MRPS16: variants seen among roughly 807,000 people sequenced by gnomAD.
MRPS16 encodes the protein mitochondrial ribosomal protein S16, also known as small ribosomal subunit protein bS16m.
A neutral mutation model predicts 11.0 loss-of-function variants in MRPS16; 5 were observed. The ratio of observed to expected loss-of-function variants is 0.46; its 90% CI spans 0.24 to 0.96. The LOEUF is 0.96. Ranked by LOEUF, MRPS16 falls within the 40% of genes least tolerant of loss-of-function variation. MRPS16 has a pLI of 0.20. For missense variants in MRPS16, 179 were observed against 174.4 expected (o/e 1.03, Z -0.15); for synonymous variants, 76 against 65.0 (o/e 1.17, Z -0.81).
At position 73,251,989 on chromosome 10, in the gene MRPS16, G is replaced by A; in HGVS notation, c.48C>T (p.His16=). 1.2e-6 allele frequency: 2 copies of A among 1,614,210 alleles called. No homozygotes were observed. The highest frequency in any genetic ancestry group is 1.7e-6 in the Non-Finnish European group (2 of 1,180,024). Residue 16 remains histidine, a synonymous_variant, in exon 2 of 3, where the codon CAC becomes CAT. Transcript: ENST00000372945. ...CACCCAGGGCAAGGCGGATGGTTAA[G>A]TGGCCCCCACGGTAGGCCTTGCAGA... ...TLLCKAYRGG[H]LTIRLALGGC...
chr10:73,250,739 A>G lies in MRPS16; in HGVS notation c.*113T>C. On this transcript the variant is annotated 3_prime_UTR_variant, in exon 3 of 3. Transcript: ENST00000372945. Reference sequence around the variant, plus strand: ...AGGCCAGGCCAGAAGAGCAAGGGCAACTCAGGATACTCCATTTATTGAACT... The same window carrying G: ...AGGCCAGGCCAGAAGAGCAAGGGCAGCTCAGGATACTCCATTTATTGAACT... The G allele has an allele frequency of 1.4e-6, 2 of 1,429,780 alleles. No homozygotes were observed. Among genetic ancestry groups the G allele is most frequent in the Non-Finnish European group, 1.9e-6 (2 of 1,027,116 alleles). The allele number at this position is 1,429,780 out of a possible 1,614,324, so 88.6% of individuals were successfully genotyped here. A position where few individuals can be genotyped will look rare whatever the true frequency, so the allele number is the denominator to read the frequency against.
At chr10:73,251,644 G>A in intron 2 of MRPS16, 119 bp downstream of exon 2, 1 of 1,436,272 alleles carries the variant, frequency 7.0e-7, no homozygotes, top group South Asian at 1.2e-5. Flanking sequence ...GCCTCCCAAA[G>A]CGCTGAGATT....
At position 73,250,411 on chromosome 10, in the gene MRPS16, C is replaced by T. The variant is rs2133439838; in HGVS notation, c.*441G>A. The T allele has an allele frequency of 1.1e-5, 2 of 185,662 alleles. No homozygotes were observed. The highest frequency in any genetic ancestry group is 9.5e-5 in the South Asian group (1 of 10,512). The allele number at this position is 185,662 out of a possible 1,614,324, so 11.5% of individuals were successfully genotyped here. A position where few individuals can be genotyped will look rare whatever the true frequency, so the allele number is the denominator to read the frequency against. On this transcript the variant is annotated 3_prime_UTR_variant, in exon 3 of 3. Coordinates refer to ENST00000372945, the MANE Select transcript of MRPS16 (RefSeq NM_016065.4). ...AAAAAAAAAAAAAAAAGAGAATATG[C>T]ATTAGGCAAGACAATATAAACCTCC...
Position 73,249,131 on chromosome 10 carries a change from C to T in MRPS16, c.*1721G>A. On this transcript the variant is annotated 3_prime_UTR_variant, in exon 3 of 3. Transcript: ENST00000372945. Reference sequence around the variant, plus strand: ...ACGGGGTCTTGCTGTGTTGCACAGGCTGGTCTCAAACTCTGGCTTCAAGTG... The same window carrying T: ...ACGGGGTCTTGCTGTGTTGCACAGGTTGGTCTCAAACTCTGGCTTCAAGTG... 1.5e-6 allele frequency: 1 copy of T among 682,270 alleles called. No individual in the cohort carries two copies. The highest frequency in any genetic ancestry group is 2.5e-6 in the Non-Finnish European group (1 of 392,606). The allele number at this position is 682,270 out of a possible 1,614,324, so 42.3% of individuals were successfully genotyped here.
chr10:73,252,449 C>G (rs746866136), intron 1 of MRPS16, 21 bp downstream of exon 1: 2 of 1,609,416 alleles, frequency 1.2e-6, no homozygotes, highest in South Asian at 2.2e-5. Context: ...CGGAACGTCT[C>G]GCGGTGGCCC....
intron 1 of MRPS16, 62 bp downstream of exon 1, chr10:73,252,408 C>G: frequency 6.2e-7 from 1 of 1,605,320 alleles, no homozygotes; most frequent in Non-Finnish European, 8.5e-7. Flanking sequence ...TCTCCCCACC[C>G]GGCCCCGAAC....
chr10:73,252,468 ACT>A lies in MRPS16; in HGVS notation c.13_13+1del. On this transcript the variant is annotated splice_donor_variant and coding_sequence_variant, in exon 1 of 3. Coordinates refer to ENST00000372945, the MANE Select transcript of MRPS16 (RefSeq NM_016065.4). LOFTEE classifies it high-confidence loss of function. ...ACGTCTCGCGGTGGCCCGATGACTC[ACT>A]GAGGTGGACCATGGTGCCGCCGGCG... is the stretch of plus-strand genomic sequence containing the variant. 1 of 1,609,144 alleles carries A rather than the reference ACT, an allele frequency of 6.2e-7. No individual in the cohort carries two copies. Among genetic ancestry groups the A allele is most frequent in the Non-Finnish European group, 8.5e-7 (1 of 1,179,792 alleles).
chr10:73,252,420 C>A, intron 1 of MRPS16, 50 bp downstream of exon 1: 1 of 1,607,962 alleles, frequency 6.2e-7, no homozygotes, highest in Non-Finnish European at 8.5e-7. Context: ...GCCCCGAACT[C>A]CCGAGCCCCG....
rs200034797 is a variant in MRPS16 at position 73,251,758 on chromosome 10, G to T, written c.274+5C>A. On this transcript the variant is annotated splice_donor_5th_base_variant and intron_variant, in intron 2 of 2. Coordinates refer to ENST00000372945, the MANE Select transcript of MRPS16 (RefSeq NM_016065.4). ...CTCAATAAGGTAAGACCAGAGCTGA[G>T]TTACCCAGAAGCTTTTCCATAGGCT... 5 of 1,614,134 alleles carry T rather than the reference G, an allele frequency of 3.1e-6. No individual in the cohort carries two copies. The East Asian group carries it at 8.9e-5, about 29-fold the overall frequency.
chr10:73,250,735 G>A lies in MRPS16; in HGVS notation c.*117C>T. The A allele has an allele frequency of 7.2e-7, 1 of 1,393,644 alleles. No homozygotes were observed. Among genetic ancestry groups the A allele is most frequent in the Non-Finnish European group, 1.0e-6 (1 of 994,668 alleles). 86.3% of individuals were successfully genotyped at this position (1,393,644 alleles called of 1,614,324 possible). A position where few individuals can be genotyped will look rare whatever the true frequency, so the allele number is the denominator to read the frequency against. On this transcript the variant is annotated 3_prime_UTR_variant, in exon 3 of 3. Coordinates refer to ENST00000372945, the MANE Select transcript of MRPS16 (RefSeq NM_016065.4). The stretch of plus-strand genomic sequence containing the variant: ...GTGCAGGCCAGGCCAGAAGAGCAAG[G>A]GCAACTCAGGATACTCCATTTATTG...
Position 73,249,257 on chromosome 10 carries a change from C to A in MRPS16, c.*1595G>T, listed in dbSNP as rs924457580. 4.5e-6 allele frequency: 7 copies of A among 1,545,286 alleles called. No homozygotes were observed. The African/African-American group carries it at 6.9e-5, about 15-fold the overall frequency. On this transcript the variant is annotated 3_prime_UTR_variant, in exon 3 of 3. Transcript: ENST00000372945. ...TTTTCCTTACAAGTTACTTCAAATT[C>A]TTGATGTTGAATTTCATCTCACTGA... is the stretch of plus-strand genomic sequence containing the variant.
In MRPS16 at chr10:73,249,263, G is replaced by A. The variant is rs905680522; in HGVS notation, c.*1589C>T. 9.0e-6 allele frequency: 14 copies of A among 1,547,484 alleles called. No individual in the cohort carries two copies. The highest frequency in any genetic ancestry group is 1.2e-5 in the Non-Finnish European group (14 of 1,144,586). The stretch of plus-strand genomic sequence containing the variant: ...TTACAAGTTACTTCAAATTCTTGAT[G>A]TTGAATTTCATCTCACTGACTTCAG... On this transcript the variant is annotated 3_prime_UTR_variant, in exon 3 of 3. Coordinates refer to ENST00000372945, the MANE Select transcript of MRPS16 (RefSeq NM_016065.4).
Position 73,250,217 on chromosome 10 carries a change from T to TA in MRPS16, c.*634_*635insT. ...CCTGGGCGACAGAGCGAGACTCCTC[T>TA]CAAAAAAAAAAAAAAAATTAGCTGG... is the stretch of plus-strand genomic sequence containing the variant. On this transcript the variant is annotated 3_prime_UTR_variant, in exon 3 of 3. Transcript: ENST00000372945. 1 of 129,188 alleles carries TA rather than the reference T, an allele frequency of 7.7e-6. No homozygotes were observed. The highest frequency in any genetic ancestry group is 2.7e-4 in the South Asian group (1 of 3,746). 8.0% of individuals were successfully genotyped at this position (129,188 alleles called of 1,614,324 possible). A position where few individuals can be genotyped will look rare whatever the true frequency, so the allele number is the denominator to read the frequency against.
intron 2 of MRPS16, among the ~76,000 whole-genome samples, chr10:73,251,207 T>C (rs948342908): frequency 1.3e-5 from 2 of 152,140 alleles, no homozygotes; most frequent in African/African-American, 4.8e-5. Context: ...AAACGTAAAC[T>C]GACAGATGGC....
At chr10:73,251,055 TG>T in intron 2 of MRPS16, 64 bp from the exon 3 acceptor site, 3 of 1,585,162 alleles carry the variant, frequency 1.9e-6, no homozygotes, top group Non-Finnish European at 1.7e-6. Context: ...CTAGGAACTC[TG>T]TCTCACAGAA....
rs1256528140 is a variant in MRPS16, at chr10:73,252,505, T to G, written c.-23A>C. The G allele has an allele frequency of 6.2e-7, 1 of 1,606,124 alleles. No homozygotes were observed. The highest frequency in any genetic ancestry group is 8.5e-7 in the Non-Finnish European group (1 of 1,179,564). On this transcript the variant is annotated 5_prime_UTR_variant, in exon 1 of 3. Transcript: ENST00000372945. ...CATGGTGCCGCCGGCGTGCGGCTCC[T>G]CGGAGAGCCCCGCTACCCGCACGCA...
In MRPS16 at chr10:73,249,118, T is replaced by C. The variant is rs1133529; in HGVS notation, c.*1734A>G. The stretch of plus-strand genomic sequence containing the variant: ...AGTTTTTGTAGAGACGGGGTCTTGC[T>C]GTGTTGCACAGGCTGGTCTCAAACT... On this transcript the variant is annotated 3_prime_UTR_variant, in exon 3 of 3. Transcript: ENST00000372945. 1 of 640,764 alleles carries C rather than the reference T, an allele frequency of 1.6e-6. No homozygotes were observed. Among genetic ancestry groups the C allele is most frequent in the Admixed American group, 2.7e-5 (1 of 36,600 alleles). The allele number at this position is 640,764 out of a possible 1,614,324, so 39.7% of individuals were successfully genotyped here.
Position 73,252,597 on chromosome 10 carries a change from G to C in MRPS16, c.-115C>G. 2 of 1,455,462 alleles carry C rather than the reference G, an allele frequency of 1.4e-6. No homozygotes were observed. Among genetic ancestry groups the C allele is most frequent in the Non-Finnish European group, 1.9e-6 (2 of 1,072,280 alleles). 90.2% of individuals were successfully genotyped at this position (1,455,462 alleles called of 1,614,324 possible). Reference sequence around the variant, plus strand: ...AGAACCTGCAAGCCGACACCAGGCCGCACCGCCAAGCGGTACAAGCCCGAA... The same window carrying C: ...AGAACCTGCAAGCCGACACCAGGCCCCACCGCCAAGCGGTACAAGCCCGAA... On this transcript the variant is annotated 5_prime_UTR_variant, in exon 1 of 3. Transcript: ENST00000372945.
At chr10:73,251,377 CTTT>C (rs371844159) in intron 2 of MRPS16, among the ~76,000 whole-genome samples, 1 of 146,638 alleles carries the variant, frequency 6.8e-6, no homozygotes, top group Admixed American at 6.8e-5. Context: ...TGAAATAACT[CTTT>C]TTTTTTTTTC....
Sources: allele counts gnomAD v4.1 joint callset (sites outside exome capture counted in the v4.1 genomes callset), GRCh38; gene constraint gnomAD v4.1.1; transcripts MANE v1.5; gene names NCBI Gene and HGNC (gene_info 2026-07-23, HGNC 2026-07-21).